Variants in KCNIP1 observed in about 807,000 individuals in gnomAD.
The protein encoded by KCNIP1 is A-type potassium channel modulatory protein KCNIP1.
KCNIP1 carries 18 observed loss-of-function variants against 33.0 expected under a neutral mutation model. The observed-to-expected ratio is 0.55, with a 90% CI of 0.38 to 0.81. KCNIP1 has a LOEUF of 0.81. Among genes scored for constraint, KCNIP1 ranks in the 30% least tolerant of loss-of-function variants. The probability of loss-of-function intolerance (pLI) is 0.00; values close to 1 mark genes in which losing one functional copy is unlikely to be tolerated. For missense variants in KCNIP1, 238 were observed against 271.6 expected, an observed-to-expected ratio of 0.88 and a Z score of 0.87; for synonymous variants, 93 against 98.3, an observed-to-expected ratio of 0.95 and a Z score of 0.32.
intron 1 of KCNIP1, among the ~76,000 whole-genome samples, chr5:170,624,769 G>C (rs1355245862): frequency 1.5e-5 from 2 of 135,886 alleles, no homozygotes; most frequent in Non-Finnish European, 3.2e-5. Context: ...GGGGAGGGGA[G>C]TGGGGGAGAA....
chr5:170,438,158 C>A (rs563104235), intron 1 of KCNIP1, among the ~76,000 whole-genome samples: 2 of 152,316 alleles, frequency 1.3e-5, no homozygotes, highest in East Asian at 3.9e-4. Flanking sequence ...GTTACTCAGG[C>A]CCCAAACCTT....
At chr5:170,362,591 G>A (rs1160846041) in intron 1 of KCNIP1, among the ~76,000 whole-genome samples, 1 of 152,032 alleles carries the variant, frequency 6.6e-6, no homozygotes, top group Non-Finnish European at 1.5e-5. Context: ...TACAGGGAGG[G>A]GAGAAAAAAG....
chr5:170,464,802 AACCCCCAAAGCCTGGCTTAGGG>A (rs1756576141), intron 1 of KCNIP1, among the ~76,000 whole-genome samples: 1 of 152,194 alleles, frequency 6.6e-6, no homozygotes, highest in Non-Finnish European at 1.5e-5. Flanking sequence ...ATGGAATTCT[AACCCCCAAAGCCTGGCTTAGGG>A]ACCTCATCCA....
intron 1 of KCNIP1, among the ~76,000 whole-genome samples, chr5:170,371,470 A>G (rs1763841417): frequency 6.6e-6 from 1 of 152,198 alleles, no homozygotes; most frequent in East Asian, 1.9e-4. Context: ...TATGGGGTAA[A>G]GACAAGAACA....
intron 1 of KCNIP1, chr5:170,374,642 C>T (rs1399479344): frequency 6.6e-6 from 1 of 152,050 alleles, no homozygotes; most frequent in African/African-American, 2.4e-5. Context: ...CATGAGAGGA[C>T]AATAATAAAT....
chr5:170,516,057 CAGAA>C (rs1470511406), intron 1 of KCNIP1, among the ~76,000 whole-genome samples: 2 of 152,246 alleles, frequency 1.3e-5, no homozygotes, highest in East Asian at 3.9e-4. Context: ...AGGATGTTAA[CAGAA>C]AGAGGATGCC....
chr5:170,549,309 G>A (rs556098157), intron 1 of KCNIP1, among the ~76,000 whole-genome samples: 3 of 152,018 alleles, frequency 2.0e-5, no homozygotes, highest in South Asian at 2.1e-4. Flanking sequence ...AACCTCCTTC[G>A]TTTTTTTAAA....
intron 5 of KCNIP1, among the ~76,000 whole-genome samples, chr5:170,729,458 A>G (rs1366149613): frequency 6.6e-6 from 1 of 152,082 alleles, no homozygotes; most frequent in Non-Finnish European, 1.5e-5. Flanking sequence ...AGCACATGGT[A>G]GATGCGTAAA....
At chr5:170,570,575 T>C (rs930466392) in intron 1 of KCNIP1, among the ~76,000 whole-genome samples, 1 of 152,208 alleles carries the variant, frequency 6.6e-6, no homozygotes, top group Admixed American at 6.5e-5. Flanking sequence ...AGCTGTGAAA[T>C]AGAGGCAGGT....
At chr5:170,567,101 A>T (rs948051475) in intron 1 of KCNIP1, among the ~76,000 whole-genome samples, 2 of 152,206 alleles carry the variant, frequency 1.3e-5, no homozygotes, top group Admixed American at 1.3e-4. Flanking sequence ...GGGGAAGGCC[A>T]TCTTAGGTCA....
intron 1 of KCNIP1, among the ~76,000 whole-genome samples, chr5:170,589,786 T>C (rs1411559034): frequency 0.022 from 3,108 of 142,062 alleles, 109 homozygotes; most frequent in African/African-American, 0.072. Flanking sequence ...TGGTGTGATG[T>C]GATGTGGTGT....
chr5:170,357,147 T>A (rs201180273), intron 1 of KCNIP1, among the ~76,000 whole-genome samples: 9 of 148,728 alleles, frequency 6.1e-5, no homozygotes, highest in South Asian at 2.1e-4. Context: ...AAAAAAAAAA[T>A]TTCAAACCAC....
intron 1 of KCNIP1, chr5:170,561,119 G>C: frequency 2.2e-6 from 1 of 456,038 alleles, no homozygotes; most frequent in Non-Finnish European, 4.4e-6. Flanking sequence ...AATTAATGTG[G>C]GCAGTGATAA....
At chr5:170,389,430 A>T (rs1764623186) in intron 1 of KCNIP1, 1 of 151,782 alleles carries the variant, frequency 6.6e-6, no homozygotes, top group Admixed American at 6.6e-5. Flanking sequence ...ATGCCCAAAC[A>T]TGGTCAAGTC....
At chr5:170,708,407 A>G (rs1458380189) in intron 1 of KCNIP1, among the ~76,000 whole-genome samples, 1 of 152,230 alleles carries the variant, frequency 6.6e-6, no homozygotes, top group Non-Finnish European at 1.5e-5. Flanking sequence ...TTCAAGAGGA[A>G]GCACAACATT....
chr5:170,434,555 C>T (rs1755817154), intron 1 of KCNIP1, among the ~76,000 whole-genome samples: 1 of 152,148 alleles, frequency 6.6e-6, no homozygotes, highest in South Asian at 2.1e-4. Flanking sequence ...AGGCAGGAAG[C>T]TGCTGTCTTT....
intron 1 of KCNIP1, among the ~76,000 whole-genome samples, chr5:170,700,954 A>G (rs1763076356): frequency 6.6e-6 from 1 of 152,222 alleles, no homozygotes; most frequent in Non-Finnish European, 1.5e-5. Context: ...CAACATTACA[A>G]TAAACACAAC....
chr5:170,582,257 T>A (rs1402339954), intron 1 of KCNIP1, among the ~76,000 whole-genome samples: 1 of 152,222 alleles, frequency 6.6e-6, no homozygotes, highest in African/African-American at 2.4e-5. Flanking sequence ...ATAGTTTGAA[T>A]GACAGTTTAA....
At chr5:170,622,719 A>G (rs1011817655) in intron 1 of KCNIP1, among the ~76,000 whole-genome samples, 1 of 151,702 alleles carries the variant, frequency 6.6e-6, no homozygotes, top group African/African-American at 2.4e-5. Context: ...GAGGCTAAGG[A>G]GTGTCTGGGG....
Sources: allele counts gnomAD v4.1 joint callset (sites outside exome capture counted in the v4.1 genomes callset), GRCh38; gene constraint gnomAD v4.1.1; transcripts MANE v1.5; gene names NCBI Gene and HGNC (gene_info 2026-07-23, HGNC 2026-07-21).